The following TBL1XR1 variants were observed in gnomAD, a reference collection of about 807,000 sequenced individuals.
The protein encoded by TBL1XR1 is TBL1X/Y related 1.
Under a neutral mutation model 66.9 loss-of-function variants are expected in TBL1XR1, and 5 were observed. The ratio of observed to expected loss-of-function variants is 0.07; its 90% confidence interval spans 0.04 to 0.16. The LOEUF (loss-of-function observed/expected upper bound fraction) is 0.16, where lower values mean the gene tolerates loss of function less well. Among genes scored for constraint, TBL1XR1 ranks in the 10% least tolerant of loss-of-function variants. TBL1XR1 has a pLI of 1.00. For synonymous variants in TBL1XR1, 210 were observed against 206.0 expected (o/e 1.02, Z -0.17); for missense variants, 238 against 623.2 (o/e 0.38, Z 6.58).
intron 1 of TBL1XR1, among the ~76,000 whole-genome samples, chr3:177,179,344 G>A (rs558633306): frequency 4.6e-5 from 7 of 152,244 alleles, no homozygotes; most frequent in African/African-American, 1.4e-4. Flanking sequence ...GGAAAATCAC[G>A]TATGAACCAG....
intron 1 of TBL1XR1, among the ~76,000 whole-genome samples, chr3:177,168,427 A>G (rs978723190): frequency 6.6e-5 from 10 of 152,140 alleles, no homozygotes; most frequent in African/African-American, 2.4e-4. Flanking sequence ...GATTACAGGC[A>G]CCCGACACCA....
At chr3:177,185,347 G>A (rs1304884666) in intron 1 of TBL1XR1, among the ~76,000 whole-genome samples, 3 of 152,302 alleles carry the variant, frequency 2.0e-5, no homozygotes, top group Non-Finnish European at 4.4e-5. Flanking sequence ...AGTGGCTCAC[G>A]CCAGTAATTC....
At chr3:177,066,205 G>A (rs1323093411) in intron 2 of TBL1XR1, among the ~76,000 whole-genome samples, 2 of 152,100 alleles carry the variant, frequency 1.3e-5, no homozygotes, top group East Asian at 3.9e-4. Flanking sequence ...GCTACCAGGT[G>A]ACAAACTGCT....
In TBL1XR1 at chr3:177,095,007, T is replaced by A. The variant is rs562189290; in HGVS notation, c.-46+3459A>T. On this transcript the variant is annotated intron_variant, in intron 2 of 15. Transcript: ENST00000457928. ...ATAAAAAAATAAAGAAAATGCGTTA[T>A]ATACATACAATGGAATCTCATTCTG... Among the ~76,000 whole-genome samples, 537 of 150,364 alleles carry A rather than the reference T, an allele frequency of 3.6e-3. 2 individuals are homozygous for A. Among genetic ancestry groups the A allele is most frequent in the African/African-American group, 0.013 (511 of 40,866 alleles).
intron 2 of TBL1XR1, among the ~76,000 whole-genome samples, chr3:177,087,469 TCTC>T (rs1202538569): frequency 6.6e-6 from 1 of 152,078 alleles, no homozygotes; most frequent in Non-Finnish European, 1.5e-5. Flanking sequence ...TTTTAAAAAC[TCTC>T]CTTACAGGTG....
At chr3:177,071,596 T>G (rs576986121) in intron 2 of TBL1XR1, among the ~76,000 whole-genome samples, 1 of 152,258 alleles carries the variant, frequency 6.6e-6, no homozygotes, top group East Asian at 1.9e-4. Flanking sequence ...TATCAAAGTA[T>G]AGTTTTAAAA....
chr3:177,126,898 C>T (rs1727703398), intron 1 of TBL1XR1, among the ~76,000 whole-genome samples: 1 of 151,078 alleles, frequency 6.6e-6, no homozygotes, highest in Non-Finnish European at 1.5e-5. Context: ...ACATAATGTA[C>T]GGTTGTAATA....
Position 177,065,009 on chromosome 3 carries a change from C to A in TBL1XR1, c.-32G>T. 1 of 1,500,716 alleles carries A rather than the reference C, an allele frequency of 6.7e-7. No individual in the cohort carries two copies. Among genetic ancestry groups the A allele is most frequent in the South Asian group, 1.3e-5 (1 of 74,816 alleles). 93.0% of individuals were successfully genotyped at this position (1,500,716 alleles called of 1,614,324 possible). On this transcript the variant is annotated 5_prime_UTR_variant, in exon 3 of 16. Coordinates refer to ENST00000457928, the MANE Select transcript of TBL1XR1 (RefSeq NM_024665.7). ...TCCCACTTAAACCATGAGGTCACAA[C>A]ACAGGATATAACCCTAAAAATAAAA...
intron 12 of TBL1XR1, chr3:177,037,290 T>G (rs1450047421): frequency 6.6e-6 from 1 of 152,254 alleles, no homozygotes; most frequent in African/African-American, 2.4e-5. Context: ...AAACTTTAAT[T>G]GCCTCAACAT....
intron 1 of TBL1XR1, among the ~76,000 whole-genome samples, chr3:177,134,056 G>C (rs193157394): frequency 2.5e-4 from 38 of 152,028 alleles, no homozygotes; most frequent in African/African-American, 8.4e-4. Flanking sequence ...ACTCCAGCTA[G>C]GCAAATCAGA....
chr3:177,037,099 G>A (rs138605686), intron 12 of TBL1XR1, among the ~76,000 whole-genome samples: 20 of 152,262 alleles, frequency 1.3e-4, no homozygotes, highest in African/African-American at 3.9e-4. Context: ...AACTAGGCTC[G>A]CTCACTGAGA....
At chr3:177,138,584 C>A (rs1729264298) in intron 1 of TBL1XR1, among the ~76,000 whole-genome samples, 2 of 146,926 alleles carry the variant, frequency 1.4e-5, no homozygotes, top group African/African-American at 5.0e-5. Flanking sequence ...AGAGCAAGAC[C>A]CTGTCTGGGA....
chr3:177,192,029 G>A (rs142291711), intron 1 of TBL1XR1, among the ~76,000 whole-genome samples: 2,375 of 150,278 alleles, frequency 0.016, 35 homozygotes, highest in Non-Finnish European at 0.02. Context: ...GGAGGCAGAG[G>A]TTGCAGTGAG....
intron 1 of TBL1XR1, among the ~76,000 whole-genome samples, chr3:177,141,526 C>T (rs1024563115): frequency 6.6e-6 from 1 of 152,110 alleles, no homozygotes; most frequent in Non-Finnish European, 1.5e-5. Flanking sequence ...TTTATATGCA[C>T]CTGAAAGTGC....
chr3:177,164,629 T>G (rs760343112), intron 1 of TBL1XR1, among the ~76,000 whole-genome samples: 1 of 152,168 alleles, frequency 6.6e-6, no homozygotes, highest in Non-Finnish European at 1.5e-5. Flanking sequence ...ATTACAGGCG[T>G]GAGCCACTGC....
chr3:177,083,765 G>GT lies in TBL1XR1; in HGVS notation c.-46+14700dup, dbSNP rs201718776. Among the ~76,000 whole-genome samples the GT allele has an allele frequency of 9.8e-3, 1,470 of 150,280 alleles. 15 individuals are homozygous for GT. The highest frequency in any genetic ancestry group is 0.021 in the African/African-American group (849 of 40,600). On this transcript the variant is annotated intron_variant, in intron 2 of 15. Coordinates refer to ENST00000457928, the MANE Select transcript of TBL1XR1 (RefSeq NM_024665.7). ...ACTGCAACTTGCCCATCAAGTAATG[G>GT]TTTTTTTTTGTTTTTGTTTTTGTTT...
chr3:177,152,562 G>C (rs1237128307), intron 1 of TBL1XR1, among the ~76,000 whole-genome samples: 1 of 152,194 alleles, frequency 6.6e-6, no homozygotes, highest in Non-Finnish European at 1.5e-5. Context: ...TGGGATTACA[G>C]GCGTGAGCGT....
chr3:177,178,284 G>T (rs1043127403), intron 1 of TBL1XR1, among the ~76,000 whole-genome samples: 1 of 152,086 alleles, frequency 6.6e-6, no homozygotes, highest in African/African-American at 2.4e-5. Context: ...TTAAAGGAAG[G>T]GGAAAGAGAA....
rs528811222 is a variant in TBL1XR1 at position 177,147,877 on chromosome 3, T to C, written c.-122+49244A>G. Among the ~76,000 whole-genome samples, 16 of 152,322 alleles carry C rather than the reference T, an allele frequency of 1.1e-4. No individual in the cohort carries two copies. The South Asian group carries it at 2.5e-3, about 24-fold the overall frequency. ...AAGGGAAGCAACTGTTTTTGAATAA[T>C]GTGATCTACTATAAGCAACAATTAA... On this transcript the variant is annotated intron_variant, in intron 1 of 15. Transcript: ENST00000457928.
Sources: gnomAD v4.1 joint callset for allele counts (sites outside exome capture counted in the v4.1 genomes callset) on GRCh38, gnomAD v4.1.1 for gene constraint, MANE v1.5 for transcripts, NCBI Gene and HGNC (gene_info 2026-07-23, HGNC 2026-07-21) for gene names.